BCO1: variants seen among roughly 807,000 people sequenced by gnomAD.
BCO1 encodes beta,beta-carotene 15,15'-dioxygenase.
BCO1 carries 54 observed loss-of-function variants against 56.3 expected under a neutral mutation model. The observed-to-expected ratio is 0.96, with a 90% CI of 0.77 to 1.20. The LOEUF (loss-of-function observed/expected upper bound fraction) is 1.20, where lower values mean the gene tolerates loss of function less well. Among genes scored for constraint, BCO1 ranks in the 50% most tolerant of loss-of-function variants. BCO1 has a pLI of 0.00. For synonymous variants in BCO1, 318 were observed against 266.1 expected (o/e 1.20, Z -1.90); for missense variants, 801 against 690.9 (o/e 1.16, Z -1.79).
chr16:81,248,134 G>A (rs1328598800), intron 2 of BCO1, among the ~76,000 whole-genome samples: 2 of 152,070 alleles, frequency 1.3e-5, no homozygotes. Flanking sequence ...AGTCGCGATG[G>A]CTCACACCTG....
intron 1 of BCO1, among the ~76,000 whole-genome samples, chr16:81,242,255 A>G (rs1354273972): frequency 7.0e-6 from 1 of 142,768 alleles, no homozygotes; most frequent in East Asian, 2.0e-4. Context: ...GCAAGAGTGC[A>G]ATGGCGCAAT....
At chr16:81,267,873 G>A in intron 5 of BCO1, 35 bp from the exon 6 acceptor site, 1 of 1,598,624 alleles carries the variant, frequency 6.3e-7, no homozygotes. Context: ...GCCAGATCCT[G>A]CACAATTCCT....
intron 7 of BCO1, among the ~76,000 whole-genome samples, chr16:81,277,698 T>C (rs1907640306): frequency 1.3e-5 from 2 of 152,188 alleles, no homozygotes; most frequent in Non-Finnish European, 2.9e-5. Context: ...CTGCTTCTTA[T>C]GAGAGTTCCC....
intron 2 of BCO1, among the ~76,000 whole-genome samples, chr16:81,251,617 A>G (rs1597349486): frequency 6.6e-6 from 1 of 152,122 alleles, no homozygotes; most frequent in East Asian, 1.9e-4. Context: ...CAAAAAAAGC[A>G]GAGTACAGAG....
intron 1 of BCO1, among the ~76,000 whole-genome samples, 157 bp downstream of exon 1, chr16:81,239,129 A>G (rs1472466366): frequency 1.3e-5 from 2 of 150,860 alleles, no homozygotes; most frequent in African/African-American, 4.9e-5. Context: ...CGATCCTCCC[A>G]CCACAGCCTC....
At chr16:81,281,315 G>A (rs1177948856) in intron 8 of BCO1, among the ~76,000 whole-genome samples, 4 of 152,066 alleles carry the variant, frequency 2.6e-5, no homozygotes, top group African/African-American at 7.2e-5. Flanking sequence ...GTGTGGTGGC[G>A]CATGCCTGTG....
At chr16:81,286,569 T>A (rs1005354247) in intron 9 of BCO1, among the ~76,000 whole-genome samples, 2 of 152,230 alleles carry the variant, frequency 1.3e-5, no homozygotes. Flanking sequence ...TGTTCGATAT[T>A]TTTAGGCAGG....
chr16:81,255,064 T>A (rs939754420), intron 2 of BCO1, among the ~76,000 whole-genome samples: 1 of 152,246 alleles, frequency 6.6e-6, no homozygotes, highest in African/African-American at 2.4e-5. Flanking sequence ...ATTACAGGCA[T>A]GAGCCATTGC....
intron 2 of BCO1, among the ~76,000 whole-genome samples, chr16:81,249,632 C>G (rs1905664042): frequency 6.6e-6 from 1 of 151,968 alleles, no homozygotes; most frequent in South Asian, 2.1e-4. Flanking sequence ...AACTCCTGAC[C>G]TCAGGTGATT....
chr16:81,248,981 C>T (rs1033785601), intron 2 of BCO1, among the ~76,000 whole-genome samples: 3 of 152,108 alleles, frequency 2.0e-5, no homozygotes, highest in Non-Finnish European at 4.4e-5. Context: ...CACTGCACTC[C>T]AGCCTGGGTG....
chr16:81,245,618 G>T lies in BCO1; in HGVS notation c.193+15G>T, dbSNP rs758878761. On this transcript the variant is annotated intron_variant, in intron 2 of 10. Coordinates refer to ENST00000258168, the MANE Select transcript of BCO1 (RefSeq NM_017429.3). ...CATCAGAGACGGTGAGAACACCCAC[G>T]AGTGTGCTGCCACTGCTGCAGCAAA... 8.7e-6 allele frequency: 14 copies of T among 1,614,062 alleles called. 1 individual carries two copies. The African/African-American group carries it at 1.1e-4, about 12-fold the overall frequency.
At chr16:81,272,255 A>G (rs1907273703) in intron 7 of BCO1, among the ~76,000 whole-genome samples, 1 of 151,552 alleles carries the variant, frequency 6.6e-6, no homozygotes, top group Non-Finnish European at 1.5e-5. Flanking sequence ...CTGGGACTAC[A>G]GACACCTGCC....
chr16:81,284,925 C>T (rs1908090830), intron 8 of BCO1, among the ~76,000 whole-genome samples: 1 of 151,694 alleles, frequency 6.6e-6, no homozygotes, highest in African/African-American at 2.4e-5. Flanking sequence ...CAACCTCTGC[C>T]TCCTGGGTTC....
chr16:81,264,499 A>C, intron 4 of BCO1, 141 bp from the exon 5 acceptor site: 1 of 1,027,958 alleles, frequency 9.7e-7, no homozygotes, highest in South Asian at 1.3e-5. Context: ...GTGCAAAAAT[A>C]TCCCTCATCT....
At position 81,242,899 on chromosome 16, in the gene BCO1, C is replaced by T. The variant is rs1165138913; in HGVS notation, c.65-2576C>T. Among the ~76,000 whole-genome samples, 3 of 152,074 alleles carry T rather than the reference C, an allele frequency of 2.0e-5. No individual in the cohort carries two copies. In the South Asian group the frequency reaches 6.2e-4, roughly 32 times the overall value. On this transcript the variant is annotated intron_variant, in intron 1 of 10. Coordinates refer to ENST00000258168, the MANE Select transcript of BCO1 (RefSeq NM_017429.3). ...AGCGTGAACCCTGTCGTGAACTGCA[C>T]ATAGGAGGGATCTAGGTTGTGCGCT...
Position 81,264,800 on chromosome 16 carries a change from G to A in BCO1, c.619+13G>A, listed in dbSNP as rs762379928. The A allele has an allele frequency of 8.1e-6, 13 of 1,614,004 alleles. No homozygotes were observed. Among genetic ancestry groups the A allele is most frequent in the Non-Finnish European group, 1.1e-5 (13 of 1,179,930 alleles). ...GCCACAGTACCAGGTAGGCCACTCT[G>A]GGGAATTGAATAAAACACAAACAAC... On this transcript the variant is annotated intron_variant, in intron 5 of 10. Transcript: ENST00000258168.
chr16:81,270,749 ATTT>A (rs79990424), intron 7 of BCO1, among the ~76,000 whole-genome samples: 1 of 126,576 alleles, frequency 7.9e-6, no homozygotes, highest in African/African-American at 2.7e-5. Context: ...ATTGTACATA[ATTT>A]TTTTTTTTTT....
intron 7 of BCO1, among the ~76,000 whole-genome samples, chr16:81,271,271 C>T (rs868392756): frequency 5.4e-4 from 82 of 151,970 alleles, no homozygotes; most frequent in African/African-American, 1.9e-3. Context: ...CCTGCCACCA[C>T]GCCCAGCTAA....
At chr16:81,255,086 G>T (rs948362721) in intron 2 of BCO1, among the ~76,000 whole-genome samples, 1 of 152,160 alleles carries the variant, frequency 6.6e-6, no homozygotes, top group Non-Finnish European at 1.5e-5. Context: ...CCTGGCCCCA[G>T]GTCCTGTTTC....
Sources: gnomAD v4.1 joint callset for allele counts (sites outside exome capture counted in the v4.1 genomes callset) on GRCh38, gnomAD v4.1.1 for gene constraint, MANE v1.5 for transcripts, NCBI Gene and HGNC (gene_info 2026-07-23, HGNC 2026-07-21) for gene names.